The following SVOPL variants were observed in gnomAD, a reference collection of about 807,000 sequenced individuals.
SVOPL encodes the protein putative transporter SVOPL.
Under a neutral mutation model 61.0 loss-of-function variants are expected in SVOPL, and 60 were observed. The observed-to-expected ratio is 0.98, with a 90% CI of 0.80 to 1.22. The LOEUF (loss-of-function observed/expected upper bound fraction) is 1.22, where lower values mean the gene tolerates loss of function less well. SVOPL is among the 50% of genes most tolerant of loss of function. SVOPL has a pLI of 0.00. For missense variants in SVOPL, 662 were observed against 643.9 expected (o/e 1.03, Z -0.30); for synonymous variants, 279 against 250.0 (o/e 1.12, Z -1.09).
chr7:138,662,981 G>T, intron 5 of SVOPL, 93 bp downstream of exon 5: 1 of 1,582,184 alleles, frequency 6.3e-7, no homozygotes. Context: ...GGTATTGGGA[G>T]GGAGATGCCT....
At chr7:138,651,478 T>C (rs1801429749) in intron 7 of SVOPL, among the ~76,000 whole-genome samples, 1 of 151,670 alleles carries the variant, frequency 6.6e-6, no homozygotes, top group Admixed American at 6.5e-5. Flanking sequence ...TTTGCAAATA[T>C]TGCAATTTTT....
chr7:138,683,489 T>A (rs1284379996), intron 1 of SVOPL, among the ~76,000 whole-genome samples: 3 of 151,998 alleles, frequency 2.0e-5, no homozygotes, highest in African/African-American at 7.2e-5. Context: ...TGCCTCAGCC[T>A]CCCGAGTAGC....
intron 14 of SVOPL, chr7:138,597,095 TAC>T (rs1798310505): frequency 8.0e-7 from 1 of 1,253,326 alleles, no homozygotes; most frequent in Admixed American, 2.5e-5. Flanking sequence ...TGTCCATCTG[TAC>T]ACATGCTTTG....
chr7:138,653,940 AAAAAAAAAGAAAAG>A (rs1203454399), intron 7 of SVOPL, among the ~76,000 whole-genome samples: 128 of 149,702 alleles, frequency 8.6e-4, no homozygotes, highest in African/African-American at 2.5e-3. Context: ...CTCAAAAAAA[AAAAAAAAAGAAAAG>A]AAAAGAAAAG....
At position 138,662,173 on chromosome 7, in the gene SVOPL, ACTT is replaced by A. The variant is rs1244972379; in HGVS notation, c.345+898_345+900del. The A allele has an allele frequency of 7.1e-6, 7 of 985,336 alleles. No individual in the cohort carries two copies. The African/African-American group carries it at 1.0e-4, about 15-fold the overall frequency. 61.0% of individuals were successfully genotyped at this position (985,336 alleles called of 1,614,324 possible). A position where few individuals can be genotyped will look rare whatever the true frequency, so the allele number is the denominator to read the frequency against. ...ATTCAGGCAAATGGCTCTGCAGAGAACTTCTGCTTTCTCTGCCTCTGCCTCATA... is the reference window on the plus strand; with the variant it reads ...ATTCAGGCAAATGGCTCTGCAGAGAACTGCTTTCTCTGCCTCTGCCTCATA... On this transcript the variant is annotated intron_variant, in intron 5 of 15. Transcript: ENST00000674285.
intron 4 of SVOPL, chr7:138,664,348 G>C: frequency 1.6e-6 from 1 of 615,242 alleles, no homozygotes. Context: ...GCCCTCCATC[G>C]GGCGTGCGCC....
intron 4 of SVOPL, among the ~76,000 whole-genome samples, chr7:138,665,970 G>A (rs1416500926): frequency 1.3e-5 from 2 of 152,182 alleles, no homozygotes; most frequent in Admixed American, 1.3e-4. Context: ...GAGCCCAGGA[G>A]CTCAAGGCCA....
chr7:138,608,053 T>C (rs1798832162), intron 14 of SVOPL, among the ~76,000 whole-genome samples: 2 of 152,124 alleles, frequency 1.3e-5, no homozygotes, highest in Admixed American at 6.5e-5. Context: ...GGAATAAACA[T>C]AGCAAGACAC....
chr7:138,679,412 G>A (rs1267432844), intron 1 of SVOPL, among the ~76,000 whole-genome samples: 6 of 152,072 alleles, frequency 3.9e-5, no homozygotes. Flanking sequence ...TGGGGTTACA[G>A]GCATGCGTCA....
intron 9 of SVOPL, among the ~76,000 whole-genome samples, chr7:138,643,422 C>CAA (rs36014220): frequency 0.13 from 8,955 of 67,148 alleles, 531 homozygotes; most frequent in Non-Finnish European, 0.2. Context: ...GACTCCATCT[C>CAA]AAAAAAAAAA....
At chr7:138,612,565 G>A (rs968426552) in intron 14 of SVOPL, among the ~76,000 whole-genome samples, 1 of 149,436 alleles carries the variant, frequency 6.7e-6, no homozygotes, top group Non-Finnish European at 1.5e-5. Flanking sequence ...GCCCAGGCTG[G>A]AGTATAGTGG....
At position 138,689,167 on chromosome 7, in the gene SVOPL, A is replaced by G; in HGVS notation, c.-34-10088T>C. ...AAATAGTGCGTACCATTCCGATGTT[A>G]CAATGGTGGAGTGGGCAGGTGTGCC... On this transcript the variant is annotated intron_variant, in intron 1 of 15. Transcript: ENST00000674285. 6.0e-6 allele frequency: 6 copies of G among 1,008,388 alleles called. No homozygotes were observed. In the South Asian group the frequency reaches 6.3e-5, roughly 11 times the overall value. The allele number at this position is 1,008,388 out of a possible 1,614,324, so 62.5% of individuals were successfully genotyped here.
At chr7:138,665,808 T>C (rs1302932401) in intron 4 of SVOPL, among the ~76,000 whole-genome samples, 1 of 152,182 alleles carries the variant, frequency 6.6e-6, no homozygotes, top group Non-Finnish European at 1.5e-5. Context: ...AAGTAACGCT[T>C]TTCTGAAAGC....
At chr7:138,596,931 C>T in intron 14 of SVOPL, 1 of 1,100,206 alleles carries the variant, frequency 9.1e-7, no homozygotes, top group Non-Finnish European at 1.1e-6. Context: ...ATTATCTCTT[C>T]AGTCCTGACA....
chr7:138,663,532 T>C (rs531122405), intron 4 of SVOPL: 4 of 1,007,366 alleles, frequency 4.0e-6, no homozygotes, highest in Admixed American at 5.6e-5. Flanking sequence ...TCTCCCTTTA[T>C]GTTATTACAA....
At chr7:138,652,064 CA>C (rs1269037384) in intron 7 of SVOPL, among the ~76,000 whole-genome samples, 1 of 151,538 alleles carries the variant, frequency 6.6e-6, no homozygotes, top group East Asian at 1.9e-4. Flanking sequence ...CACACCCAGC[CA>C]ATTTTTTTTT....
At chr7:138,635,934 AATAT>A (rs1800447903) in intron 9 of SVOPL, among the ~76,000 whole-genome samples, 1 of 152,120 alleles carries the variant, frequency 6.6e-6, no homozygotes, top group South Asian at 2.1e-4. Flanking sequence ...CTGATAGAAA[AATAT>A]ATATACATTT....
At chr7:138,607,312 A>C (rs973131882) in intron 14 of SVOPL, among the ~76,000 whole-genome samples, 1 of 152,240 alleles carries the variant, frequency 6.6e-6, no homozygotes, top group Non-Finnish European at 1.5e-5. Flanking sequence ...GGATGATACC[A>C]TCTCAATGGA....
At chr7:138,689,456 A>T in intron 1 of SVOPL, 1 of 1,063,024 alleles carries the variant, frequency 9.4e-7, no homozygotes, top group Non-Finnish European at 1.4e-6. Context: ...TTGTTCCTAA[A>T]CCAGAAGACA....
Sources: gnomAD v4.1 joint callset for allele counts (sites outside exome capture counted in the v4.1 genomes callset) on GRCh38, gnomAD v4.1.1 for gene constraint, MANE v1.5 for transcripts, NCBI Gene and HGNC (gene_info 2026-07-23, HGNC 2026-07-21) for gene names.